Variants in C5 observed in about 807,000 individuals in gnomAD.
The protein encoded by C5 is complement C5, also known as C3 and PZP-like alpha-2-macroglobulin domain-containing protein 4.
A neutral mutation model predicts 218.8 loss-of-function variants in C5; 140 were observed. That is an observed-to-expected ratio of 0.64 (90% CI 0.56 to 0.74). The LOEUF (loss-of-function observed/expected upper bound fraction) is 0.74. Ranked by LOEUF, C5 falls within the 30% of genes least tolerant of loss-of-function variation. The pLI, the probability that C5 is intolerant of heterozygous loss-of-function variation, is 0.00. For synonymous variants in C5, 614 were observed against 682.3 expected, an observed-to-expected ratio of 0.90 and a Z score of 1.56; for missense variants, 1,700 against 1,969.6, an observed-to-expected ratio of 0.86 and a Z score of 2.59.
chr9:120,962,257 T>C (rs574379937), intron 36 of C5, among the ~76,000 whole-genome samples: 2 of 152,316 alleles, frequency 1.3e-5, no homozygotes, highest in South Asian at 4.1e-4. Context: ...TTGAATGCAA[T>C]GTGACAGCTG....
chr9:120,981,057 G>C (rs2046989260), intron 27 of C5, among the ~76,000 whole-genome samples: 1 of 152,200 alleles, frequency 6.6e-6, no homozygotes, highest in African/African-American at 2.4e-5. Context: ...TGGGTAAATA[G>C]TCCCGATCAC....
intron 7 of C5, among the ~76,000 whole-genome samples, chr9:121,028,855 G>A (rs1022307810): frequency 4.6e-5 from 7 of 151,750 alleles, no homozygotes; most frequent in Admixed American, 1.3e-4. Flanking sequence ...TAAATAAAGT[G>A]TCCTTCATGC....
Position 120,962,942 on chromosome 9 carries a change from A to G in C5, c.4349T>C (p.Phe1450Ser). 2 of 1,614,018 alleles carry G rather than the reference A, an allele frequency of 1.2e-6. No individual in the cohort carries two copies. The highest frequency in any genetic ancestry group is 2.2e-5 in the South Asian group (2 of 91,084). Residue 1450 changes from phenylalanine (F) to serine (S), a missense_variant, in exon 35 of 41, where the codon TTC becomes TCC. By Grantham distance (155) the Phe-to-Ser change is radical (BLOSUM62 -2). Transcript: ENST00000223642. Reference sequence around the variant, plus strand: ...TCCATCTTTGATTTGGTAATCAGTGAATAGTTGATCCACCCCTTCCACAAG... The same window carrying G: ...TCCATCTTTGATTTGGTAATCAGTGGATAGTTGATCCACCCCTTCCACAAG... ...KALVEGVDQL[F>S]TDYQIKDGHV...
intron 19 of C5, 97 bp downstream of exon 19, chr9:121,006,807 A>G: frequency 1.1e-6 from 1 of 883,836 alleles, no homozygotes; most frequent in Admixed American, 1.9e-5. Flanking sequence ...AATTGCTACC[A>G]TTTAAGTCCT....
intron 20 of C5, among the ~76,000 whole-genome samples, chr9:121,002,316 G>GTGTGTGTGTGTATGTATATA (rs572345213): frequency 2.3e-5 from 2 of 87,398 alleles, no homozygotes; most frequent in African/African-American, 4.5e-5. Context: ...ATATGTGTGT[G>GTGTGTGTGTGTATGTATATA]TATATATATA....
intron 20 of C5, among the ~76,000 whole-genome samples, chr9:120,999,239 C>G (rs2047140850): frequency 2.0e-5 from 3 of 152,042 alleles, no homozygotes; most frequent in Admixed American, 2.0e-4. Flanking sequence ...TAACCACAAA[C>G]TCTAGACAAG....
intron 28 of C5, among the ~76,000 whole-genome samples, chr9:120,977,852 T>C (rs1192563040): frequency 6.6e-6 from 1 of 152,222 alleles, no homozygotes; most frequent in Non-Finnish European, 1.5e-5. Context: ...CCATGTCACT[T>C]TGGGCAAATT....
chr9:121,058,024 A>G, the C5 span, among the ~76,000 whole-genome samples: 2 of 152,210 alleles, frequency 1.3e-5, no homozygotes, highest in African/African-American at 4.8e-5. Context: ...AATGCCATAA[A>G]TGTTAATCAC....
At chr9:120,999,898 A>G in intron 20 of C5, 1 of 451,636 alleles carries the variant, frequency 2.2e-6, no homozygotes, top group South Asian at 1.6e-5. Context: ...GACACTTTAA[A>G]ATGCTGTCAA....
chr9:121,065,373 A>G, the C5 span, among the ~76,000 whole-genome samples: 1 of 152,238 alleles, frequency 6.6e-6, no homozygotes, highest in East Asian at 1.9e-4. Context: ...AAAAATAGTA[A>G]ACAATGACAA....
the C5 span, among the ~76,000 whole-genome samples, chr9:121,071,861 T>C: frequency 4.3e-3 from 281 of 65,730 alleles, 2 homozygotes; most frequent in South Asian, 8.9e-3. Flanking sequence ...TGCTATCATT[T>C]GGAAAAAAGA....
the C5 span, among the ~76,000 whole-genome samples, chr9:121,056,418 T>A: frequency 2.0e-5 from 3 of 152,236 alleles, no homozygotes; most frequent in Non-Finnish European, 4.4e-5. Flanking sequence ...TGAAATTTTT[T>A]AAATCAAATG....
chr9:121,005,796 T>C, intron 20 of C5, 123 bp downstream of exon 20: 1 of 926,564 alleles, frequency 1.1e-6, no homozygotes, highest in Non-Finnish European at 1.7e-6. Flanking sequence ...ATTTTAAGTG[T>C]TTGGTTTCTA....
the C5 span, among the ~76,000 whole-genome samples, chr9:121,072,658 T>C: frequency 2.9e-4 from 44 of 151,688 alleles, no homozygotes; most frequent in Non-Finnish European, 5.0e-4. Flanking sequence ...ATACAAAAAT[T>C]AGCTGGCCTT....
chr9:121,052,859 C>T (rs533863340), upstream of C5, among the ~76,000 whole-genome samples: 75 of 152,016 alleles, frequency 4.9e-4, no homozygotes, highest in Admixed American at 1.8e-3. Flanking sequence ...GTCTGGACAC[C>T]AATTTTCTAT....
At chr9:121,069,075 G>A in the C5 span, among the ~76,000 whole-genome samples, 4 of 152,162 alleles carry the variant, frequency 2.6e-5, no homozygotes, top group African/African-American at 9.6e-5. Context: ...AAATGGTTCC[G>A]GACACTGGTC....
the C5 span, among the ~76,000 whole-genome samples, chr9:121,064,123 G>GT: frequency 1.0e-3 from 151 of 151,216 alleles, no homozygotes; most frequent in Non-Finnish European, 2.0e-3. Flanking sequence ...TTTATTTTTT[G>GT]TTTTTTTAAA....
intron 33 of C5, among the ~76,000 whole-genome samples, chr9:120,963,997 T>TG (rs926868208): frequency 1.3e-5 from 2 of 152,186 alleles, no homozygotes; most frequent in African/African-American, 2.4e-5. Flanking sequence ...GCTAACTAGC[T>TG]GGGGAAACTC....
rs762245967 is a variant in C5, at chr9:120,952,846, A to C, written c.4924T>G (p.Leu1642Val). 91 of 1,613,896 alleles carry C rather than the reference A, an allele frequency of 5.6e-5. 2 individuals carry two copies. In the Middle Eastern group the frequency reaches 4.5e-3, roughly 79 times the overall value. ...SFRYIYPLDS[L>V]TWIEYWPRDT... ...CTAGGCCAGTATTCAATCCAGGTCA[A>C]GGAATCTAAAGGGTAGATGTACCTA... Residue 1642 changes from leucine (L) to valine (V), a missense_variant, in exon 41 of 41, where the codon TTG becomes GTG. By Grantham distance (32) the Leu-to-Val change is conservative. Coordinates refer to ENST00000223642, the MANE Select transcript of C5 (RefSeq NM_001735.3).
Sources: allele counts gnomAD v4.1 joint callset (sites outside exome capture counted in the v4.1 genomes callset), GRCh38; gene constraint gnomAD v4.1.1; transcripts MANE v1.5; gene names NCBI Gene and HGNC (gene_info 2026-07-23, HGNC 2026-07-21).